Variants in GLG1 observed in about 807,000 individuals in gnomAD.
The protein encoded by GLG1 is Golgi apparatus protein 1.
In GLG1, 38 loss-of-function variants were observed where a neutral mutation model predicts 160.5. The ratio of observed to expected loss-of-function variants is 0.24; its 90% CI spans 0.18 to 0.31. The LOEUF (loss-of-function observed/expected upper bound fraction) is 0.31. GLG1 is among the 10% of genes least tolerant of loss of function. The pLI, the probability that GLG1 is intolerant of heterozygous loss-of-function variation, is 1.00. For synonymous variants in GLG1, 644 were observed against 543.4 expected, an observed-to-expected ratio of 1.19 and a Z score of -2.57; for missense variants, 1,373 against 1,505.2, an observed-to-expected ratio of 0.91 and a Z score of 1.45.
At chr16:74,512,174 T>TC (rs1555511866) in intron 2 of GLG1, among the ~76,000 whole-genome samples, 2 of 149,708 alleles carry the variant, frequency 1.3e-5, no homozygotes, top group South Asian at 2.1e-4. Context: ...TTTTTTTTTT[T>TC]CTCAGACGGA....
intron 1 of GLG1, among the ~76,000 whole-genome samples, chr16:74,561,270 C>T (rs2018505611): frequency 6.6e-6 from 1 of 152,232 alleles, no homozygotes; most frequent in South Asian, 2.1e-4. Context: ...CCCTTCATGA[C>T]CACAACCAAA....
intron 1 of GLG1, among the ~76,000 whole-genome samples, chr16:74,593,944 T>A (rs1002474632): frequency 2.0e-5 from 3 of 152,108 alleles, no homozygotes; most frequent in Admixed American, 2.0e-4. Context: ...AGTCTCACTG[T>A]TGCCCAGGCT....
chr16:74,531,765 T>C (rs2017541925), intron 2 of GLG1, among the ~76,000 whole-genome samples: 1 of 152,246 alleles, frequency 6.6e-6, no homozygotes, highest in East Asian at 1.9e-4. Context: ...TCAGTCTCCT[T>C]TTAATGTGCT....
At chr16:74,549,935 A>G (rs575166417) in intron 1 of GLG1, among the ~76,000 whole-genome samples, 1 of 151,498 alleles carries the variant, frequency 6.6e-6, no homozygotes, top group Admixed American at 6.6e-5. Flanking sequence ...GCAACATAGC[A>G]AAACCCCAAA....
chr16:74,489,757 A>C (rs2015916846), intron 8 of GLG1, among the ~76,000 whole-genome samples: 1 of 152,198 alleles, frequency 6.6e-6, no homozygotes, highest in Non-Finnish European at 1.5e-5. Flanking sequence ...GGATGCATAG[A>C]CACGCATGCG....
chr16:74,582,813 T>G (rs1668061046), intron 1 of GLG1, among the ~76,000 whole-genome samples: 1 of 150,718 alleles, frequency 6.6e-6, no homozygotes, highest in Admixed American at 6.7e-5. Context: ...AGAGTGAGAC[T>G]CCTTCTCAAA....
At chr16:74,518,911 G>C (rs923986249) in intron 2 of GLG1, among the ~76,000 whole-genome samples, 2 of 152,174 alleles carry the variant, frequency 1.3e-5, no homozygotes, top group Non-Finnish European at 2.9e-5. Context: ...TTCAACCATT[G>C]TGGAAGACAC....
Position 74,456,765 on chromosome 16 carries a change from G to C in GLG1, c.3266-10C>G, listed in dbSNP as rs376238403. The C allele has an allele frequency of 5.3e-6, 8 of 1,503,980 alleles. No individual in the cohort carries two copies. The highest frequency in any genetic ancestry group is 1.7e-4 in the Middle Eastern group (1 of 5,894). The allele number at this position is 1,503,980 out of a possible 1,614,324, so 93.2% of individuals were successfully genotyped here. Reference sequence around the variant, plus strand: ...ATGAGACAGGACATTTCTGTGGGAGGAAATGAATAATAAGAAGAACCTGAA... The same window carrying C: ...ATGAGACAGGACATTTCTGTGGGAGCAAATGAATAATAAGAAGAACCTGAA... On this transcript the variant is annotated splice_polypyrimidine_tract_variant and intron_variant, in intron 24 of 25. Transcript: ENST00000422840.
At chr16:74,511,835 G>T (rs932070769) in intron 2 of GLG1, among the ~76,000 whole-genome samples, 1 of 152,012 alleles carries the variant, frequency 6.6e-6, no homozygotes, top group Non-Finnish European at 1.5e-5. Flanking sequence ...AAACTTACTT[G>T]TTCTGACAGG....
intron 1 of GLG1, among the ~76,000 whole-genome samples, chr16:74,593,186 T>G (rs947830142): frequency 2.0e-5 from 3 of 152,310 alleles, no homozygotes; most frequent in African/African-American, 7.2e-5. Context: ...GTCTTGGGTA[T>G]TCTGTTATAG....
chr16:74,509,763 G>A (rs964267639), intron 2 of GLG1, among the ~76,000 whole-genome samples: 5 of 151,480 alleles, frequency 3.3e-5, no homozygotes, highest in African/African-American at 1.2e-4. Context: ...GCAGGAGAAC[G>A]GCGTGAACAC....
In GLG1 at chr16:74,485,871, A is replaced by G. The variant is rs2015769661; in HGVS notation, c.1496T>C (p.Ile499Thr). The G allele has an allele frequency of 2.5e-6, 4 of 1,611,584 alleles. No individual in the cohort carries two copies. The highest frequency in any genetic ancestry group is 3.4e-6 in the Non-Finnish European group (4 of 1,177,658). Residue 499 changes from isoleucine to threonine, a missense_variant, in exon 9 of 26, where the codon ATT becomes ACT. Ile to Thr is a moderately conservative substitution (Grantham distance 89). This residue lies in a region of GLG1 where 386 missense variants were observed against 388.5 expected (regional missense o/e 0.99). Coordinates refer to ENST00000422840, the MANE Select transcript of GLG1 (RefSeq NM_001145667.2). ...ACAAGCTTCATTCAAAGCTCGATCAATGCGGTAATCTGCACCAGGGTCAGT... is the reference window on the plus strand; with the variant it reads ...ACAAGCTTCATTCAAAGCTCGATCAGTGCGGTAATCTGCACCAGGGTCAGT... Reference protein sequence around the residue: ...QETDPGADYRIDRALNEACES... With the variant: ...QETDPGADYRTDRALNEACES...
intron 10 of GLG1, among the ~76,000 whole-genome samples, chr16:74,481,333 C>A (rs1245666449): frequency 6.6e-6 from 1 of 152,218 alleles, no homozygotes; most frequent in Non-Finnish European, 1.5e-5. Context: ...TTCTCCACAT[C>A]AGACCAGGGC....
intron 2 of GLG1, among the ~76,000 whole-genome samples, chr16:74,509,474 G>C (rs531576071): frequency 3.3e-5 from 5 of 152,078 alleles, no homozygotes; most frequent in African/African-American, 1.2e-4. Context: ...ACAATCAACA[G>C]TGCTTTCATA....
At chr16:74,588,564 C>T (rs1034729696) in intron 1 of GLG1, among the ~76,000 whole-genome samples, 4 of 152,008 alleles carry the variant, frequency 2.6e-5, no homozygotes, top group African/African-American at 9.7e-5. Flanking sequence ...GGACTACAGG[C>T]TCTCACCACC....
At chr16:74,472,206 C>T (rs1347872080) in intron 14 of GLG1, 143 bp downstream of exon 14, 3 of 641,730 alleles carry the variant, frequency 4.7e-6, no homozygotes, top group Non-Finnish European at 8.3e-6. Flanking sequence ...GGCCTGTTTA[C>T]ATTTTTAATT....
intron 1 of GLG1, among the ~76,000 whole-genome samples, chr16:74,559,732 T>C (rs1267026174): frequency 1.3e-5 from 2 of 152,130 alleles, no homozygotes; most frequent in Non-Finnish European, 2.9e-5. Flanking sequence ...ATGTCTCTAT[T>C]GATGAAGACT....
chr16:74,548,156 G>A (rs1820262), intron 1 of GLG1, among the ~76,000 whole-genome samples: 102,501 of 152,116 alleles, frequency 0.67, 34,780 homozygotes, highest in East Asian at 0.81. Flanking sequence ...GACTCACAAC[G>A]AGCACTTTAG....
Position 74,492,646 on chromosome 16 carries a change from C to A in GLG1, c.1234+311G>T, listed in dbSNP as rs142512024. On this transcript the variant is annotated intron_variant, in intron 7 of 25. Transcript: ENST00000422840. Reference sequence around the variant, plus strand: ...CCAGCCTGACCAACATGGTGAAACCCCATCTCTACTAAAAATACAAGAATT... The same window carrying A: ...CCAGCCTGACCAACATGGTGAAACCACATCTCTACTAAAAATACAAGAATT... Among the ~76,000 whole-genome samples the A allele has an allele frequency of 2.9e-3, 442 of 151,612 alleles. 2 individuals are homozygous for A. Among genetic ancestry groups the A allele is most frequent in the African/African-American group, 0.01 (420 of 41,336 alleles).
Sources: gnomAD v4.1 joint callset for allele counts (sites outside exome capture counted in the v4.1 genomes callset) on GRCh38, gnomAD v4.1.1 for gene constraint, gnomAD v4.1.1 regional missense constraint, MANE v1.5 for transcripts, NCBI Gene and HGNC (gene_info 2026-07-23, HGNC 2026-07-21) for gene names.